PAN3: variants seen among roughly 807,000 people sequenced by gnomAD.
The protein encoded by PAN3 is PAN2-PAN3 deadenylation complex subunit PAN3.
Under a neutral mutation model 96.2 loss-of-function variants are expected in PAN3, and 19 were observed. The ratio of observed to expected loss-of-function variants is 0.20; its 90% CI spans 0.14 to 0.29. The LOEUF is 0.29. PAN3 is among the 10% of genes least tolerant of loss of function. The pLI is 1.00. For missense variants in PAN3, 882 were observed against 1,108.1 expected (o/e 0.80, Z 2.90); for synonymous variants, 433 against 406.6 (o/e 1.06, Z -0.78).
Position 28,168,637 on chromosome 13 carries a change from T to G in PAN3, c.431-5635T>G, listed in dbSNP as rs184398857. On this transcript the variant is annotated intron_variant, in intron 1 of 18. Transcript: ENST00000380958. ...GGGAGGCTGAGGCAGGAGAATTGCT[T>G]GAACCCGGGAGGCGGAGGTTGCAGT... Among the ~76,000 whole-genome samples the G allele has an allele frequency of 3.8e-4, 58 of 152,198 alleles. No homozygotes were observed. The East Asian group carries it at 0.011, about 28-fold the overall frequency.
At position 28,265,966 on chromosome 13, in the gene PAN3, A is replaced by C; in HGVS notation, c.1412-749A>C. 7.8e-4 allele frequency among the ~76,000 whole-genome samples: 2 copies of C among 2,566 alleles called. 1 individual carries two copies. The highest frequency in any genetic ancestry group is 1.1e-3 in the Non-Finnish European group (2 of 1,884). The allele number at this position is 2,566 out of a possible 152,430, so 1.7% of individuals were successfully genotyped here. On this transcript the variant is annotated intron_variant, in intron 9 of 18. Coordinates refer to ENST00000380958, the MANE Select transcript of PAN3 (RefSeq NM_175854.8). ...TAGCCAGGATGGTCTCGATCTCCTG[A>C]CCTCATGATCCACCCGCCTCGGCCT...
chr13:28,224,976 A>G (rs1194747206), intron 6 of PAN3, among the ~76,000 whole-genome samples: 1 of 152,188 alleles, frequency 6.6e-6, no homozygotes, highest in Non-Finnish European at 1.5e-5. Context: ...GAATCATCTA[A>G]TTATTATACC....
intron 6 of PAN3, among the ~76,000 whole-genome samples, chr13:28,236,896 C>A (rs1163077197): frequency 2.6e-5 from 4 of 152,038 alleles, no homozygotes; most frequent in African/African-American, 9.7e-5. Flanking sequence ...GTTTGTTTTT[C>A]TTAAAAGCAA....
chr13:28,240,565 T>C lies in PAN3; in HGVS notation c.1001-15727T>C, dbSNP rs544029667. On this transcript the variant is annotated intron_variant, in intron 6 of 18. Coordinates refer to ENST00000380958, the MANE Select transcript of PAN3 (RefSeq NM_175854.8). ...TATTTGAGTAGATTCTTTAAATATC[T>C]TTGATTGATTAGGCTAGAAGTACAA... is the stretch of plus-strand genomic sequence containing the variant. Among the ~76,000 whole-genome samples the C allele has an allele frequency of 3.3e-5, 5 of 152,366 alleles. No individual in the cohort carries two copies. The South Asian group carries it at 1.0e-3, about 32-fold the overall frequency.
At position 28,138,914 on chromosome 13, in the gene PAN3, T is replaced by A. The variant is rs1869176865; in HGVS notation, c.257T>A (p.Val86Asp). The change falls in exon 1 of 19, where the codon GTC becomes GAC. Residue 86 changes from valine to aspartate, a missense_variant. Physicochemically the swap from Val to Asp is radical, Grantham distance 152 (BLOSUM62 -3). Coordinates refer to ENST00000380958, the MANE Select transcript of PAN3 (RefSeq NM_175854.8). ...GGCCTCGGCCTCCATAGCAACAGCG[T>A]CCCCCTGGCTCTGGCTGGTGCACCC... is the stretch of plus-strand genomic sequence containing the variant. ...APGLGLHSNS[V>D]PLALAGAPVA... 2 of 1,368,232 alleles carry A rather than the reference T, an allele frequency of 1.5e-6. No individual in the cohort carries two copies. The highest frequency in any genetic ancestry group is 9.4e-7 in the Non-Finnish European group (1 of 1,062,998). 84.8% of individuals were successfully genotyped at this position (1,368,232 alleles called of 1,614,324 possible).
intron 6 of PAN3, among the ~76,000 whole-genome samples, chr13:28,229,070 A>G (rs560352665): frequency 4.6e-5 from 7 of 152,206 alleles, no homozygotes; most frequent in Non-Finnish European, 5.9e-5. Flanking sequence ...GGAAGATGGG[A>G]TGACCCAAGC....
chr13:28,170,953 T>A (rs1427239601), intron 1 of PAN3, among the ~76,000 whole-genome samples: 2 of 152,088 alleles, frequency 1.3e-5, no homozygotes, highest in African/African-American at 4.8e-5. Context: ...TGCGCCACCA[T>A]GCCTGGCTAA....
intron 1 of PAN3, among the ~76,000 whole-genome samples, chr13:28,162,524 A>T (rs1232495752): frequency 6.6e-6 from 1 of 152,100 alleles, no homozygotes; most frequent in Non-Finnish European, 1.5e-5. Context: ...ACCTCTACTA[A>T]AAATACAAAA....
intron 12 of PAN3, among the ~76,000 whole-genome samples, chr13:28,269,199 A>G (rs1260381818): frequency 1.3e-5 from 2 of 152,174 alleles, no homozygotes; most frequent in Non-Finnish European, 2.9e-5. Flanking sequence ...TGCCAGAAAT[A>G]TCTCCAGATG....
intron 4 of PAN3, among the ~76,000 whole-genome samples, chr13:28,190,902 T>C (rs528553149): frequency 2.0e-5 from 3 of 152,356 alleles, no homozygotes; most frequent in South Asian, 2.1e-4. Flanking sequence ...TGTTATACAA[T>C]GTTAACTTAC....
chr13:28,193,115 A>G (rs1877497452), intron 4 of PAN3, among the ~76,000 whole-genome samples: 1 of 152,236 alleles, frequency 6.6e-6, no homozygotes, highest in African/African-American at 2.4e-5. Flanking sequence ...TCAATGTTTT[A>G]AGAAGTTTAC....
rs114531889 is a variant in PAN3 at position 28,164,052 on chromosome 13, C to T, written c.431-10220C>T. ...AGATTGCAGTGAGTTGAGATTGTGGCACTGCACTCCAGCCTGGGCAACAGA... is the reference window on the plus strand; with the variant it reads ...AGATTGCAGTGAGTTGAGATTGTGGTACTGCACTCCAGCCTGGGCAACAGA... On this transcript the variant is annotated intron_variant, in intron 1 of 18. Transcript: ENST00000380958. Among the ~76,000 whole-genome samples, 777 of 152,260 alleles carry T rather than the reference C, an allele frequency of 5.1e-3. 6 individuals are homozygous for T. The highest frequency in any genetic ancestry group is 0.018 in the African/African-American group (754 of 41,546).
Position 28,202,658 on chromosome 13 carries a change from TACAC to T in PAN3, c.852+5330_852+5333del, listed in dbSNP as rs140754799. On this transcript the variant is annotated intron_variant, in intron 5 of 18. Coordinates refer to ENST00000380958, the MANE Select transcript of PAN3 (RefSeq NM_175854.8). ...AGGCAGGATAGAATATATATATGTATACACACACACACACACACACAATTTGTTT... is the reference window on the plus strand; with the variant it reads ...AGGCAGGATAGAATATATATATGTATACACACACACACACACAATTTGTTT... Among the ~76,000 whole-genome samples the T allele has an allele frequency of 2.8e-3, 417 of 150,100 alleles. 7 individuals are homozygous for T. Among genetic ancestry groups the T allele is most frequent in the Admixed American group, 0.025 (378 of 15,024 alleles).
intron 6 of PAN3, among the ~76,000 whole-genome samples, chr13:28,236,886 G>A (rs1450247665): frequency 1.3e-5 from 2 of 152,034 alleles, no homozygotes; most frequent in African/African-American, 2.4e-5. Context: ...GTTTTGTTTT[G>A]TTTGTTTTTC....
At chr13:28,234,165 C>G (rs1566211747) in intron 6 of PAN3, among the ~76,000 whole-genome samples, 1 of 152,096 alleles carries the variant, frequency 6.6e-6, no homozygotes, top group Non-Finnish European at 1.5e-5. Flanking sequence ...ACAGGCTTCC[C>G]CCTTCCTCTT....
intron 1 of PAN3, among the ~76,000 whole-genome samples, chr13:28,162,216 T>G (rs1401301158): frequency 2.6e-5 from 4 of 152,228 alleles, no homozygotes; most frequent in African/African-American, 4.8e-5. Flanking sequence ...GGCAACTGGC[T>G]GAAACAGACC....
At chr13:28,171,034 G>C (rs1441191815) in intron 1 of PAN3, among the ~76,000 whole-genome samples, 2 of 152,122 alleles carry the variant, frequency 1.3e-5, no homozygotes, top group Non-Finnish European at 2.9e-5. Flanking sequence ...TACCTCAGGC[G>C]ATCCGCCCGC....
At chr13:28,197,132 A>G (rs765818040) in intron 4 of PAN3, 53 bp from the exon 5 acceptor site, 23 of 1,565,356 alleles carry the variant, frequency 1.5e-5, no homozygotes, top group East Asian at 2.3e-5. Context: ...GTTAGTTTAG[A>G]TTAGTGTGGG....
chr13:28,292,344 T>C (rs1386635869), intron 18 of PAN3, 38 bp from the exon 19 acceptor site: 24 of 1,509,164 alleles, frequency 1.6e-5, no homozygotes, highest in Non-Finnish European at 2.1e-5. Flanking sequence ...CTTTTCTGCA[T>C]GTTATGAATT....
Sources: gnomAD v4.1 joint callset for allele counts (sites outside exome capture counted in the v4.1 genomes callset) on GRCh38, gnomAD v4.1.1 for gene constraint, MANE v1.5 for transcripts, NCBI Gene and HGNC (gene_info 2026-07-23, HGNC 2026-07-21) for gene names.